ZBTB17: variants seen among roughly 807,000 people sequenced by gnomAD.
ZBTB17 encodes zinc finger and BTB domain containing 17.
In ZBTB17, 24 loss-of-function variants were observed where a neutral mutation model predicts 85.1. The ratio of observed to expected loss-of-function variants is 0.28; its 90% CI spans 0.20 to 0.40. The LOEUF is 0.40. Ranked by LOEUF, ZBTB17 falls within the 10% of genes least tolerant of loss-of-function variation. The probability of loss-of-function intolerance (pLI) is 1.00; values close to 1 mark genes in which losing one functional copy is unlikely to be tolerated. For synonymous variants in ZBTB17, 464 were observed against 460.2 expected (o/e 1.01, Z -0.11); for missense variants, 743 against 1,105.1 (o/e 0.67, Z 4.65).
chr1:15,963,210 A>G (rs1343801767), intron 2 of ZBTB17, among the ~76,000 whole-genome samples: 2 of 152,224 alleles, frequency 1.3e-5, no homozygotes, highest in Non-Finnish European at 2.9e-5. Context: ...CAAAATGAAA[A>G]CTATGAAACA....
At chr1:15,955,160 CA>C (rs1293944846) in intron 2 of ZBTB17, among the ~76,000 whole-genome samples, 2 of 151,984 alleles carry the variant, frequency 1.3e-5, no homozygotes, top group Admixed American at 1.3e-4. Context: ...TCTCCAAAAA[CA>C]AACAAACAAA....
chr1:15,962,182 C>T (rs1481241569), intron 2 of ZBTB17, among the ~76,000 whole-genome samples: 1 of 151,772 alleles, frequency 6.6e-6, no homozygotes, highest in African/African-American at 2.4e-5. Context: ...TGCTCCAGCT[C>T]GGGTGACAGT....
At chr1:15,946,849 C>T (rs983102731) in intron 4 of ZBTB17, 86 bp downstream of exon 4, 1 of 1,474,762 alleles carries the variant, frequency 6.8e-7, no homozygotes, top group Admixed American at 2.1e-5. Context: ...GATGAGGAAA[C>T]TGAGACCCAG....
At position 15,948,298 on chromosome 1, in the gene ZBTB17, G is replaced by A. The variant is rs575679819; in HGVS notation, c.198C>T (p.Asn66=). The A allele has an allele frequency of 3.0e-5, 49 of 1,613,844 alleles. No individual in the cohort carries two copies. Among genetic ancestry groups the A allele is most frequent in the African/African-American group, 2.3e-4 (17 of 75,074 alleles). ...CCAGCCCTGACGGGGTACCTGCCGC[G>A]TTACTGATGTCCAGGTGCACCACGT... ...QKDVVHLDIS[N]AAGLGQVLEF... The change falls in exon 3 of 16, where the codon AAC becomes AAT. Residue 66 remains asparagine (N), a synonymous_variant. Coordinates refer to ENST00000375743, the MANE Select transcript of ZBTB17 (RefSeq NM_003443.3).
rs1450993424 is a variant in ZBTB17 at position 15,952,381 on chromosome 1, C to G, written c.-2-3884G>C. ...ACAAAAAAGTGAGGCACTGAGGACACCTGCAGTGTGAGTCCGGACAGGCAC... is the reference window on the plus strand; with the variant it reads ...ACAAAAAAGTGAGGCACTGAGGACAGCTGCAGTGTGAGTCCGGACAGGCAC... On this transcript the variant is annotated intron_variant, in intron 2 of 15. Transcript: ENST00000375743. The surrounding 1 kb of genome is among the most constrained non-coding windows in gnomAD (Gnocchi z 4.3). Among the ~76,000 whole-genome samples, 1 of 152,226 alleles carries G rather than the reference C, an allele frequency of 6.6e-6. No homozygotes were observed. Among genetic ancestry groups the G allele is most frequent in the Non-Finnish European group, 1.5e-5 (1 of 68,046 alleles).
intron 2 of ZBTB17, among the ~76,000 whole-genome samples, chr1:15,959,764 C>T (rs975400621): frequency 1.3e-5 from 2 of 152,032 alleles, no homozygotes; most frequent in African/African-American, 2.4e-5. Context: ...CAGAGCAAAA[C>T]TCTGTCAAAA....
intron 2 of ZBTB17, among the ~76,000 whole-genome samples, chr1:15,961,401 G>A (rs952340960): frequency 2.0e-5 from 3 of 152,184 alleles, no homozygotes; most frequent in East Asian, 3.8e-4. Context: ...ATTAAGCTAA[G>A]ATTCTGTAAA....
Position 15,953,290 on chromosome 1 carries a change from G to C in ZBTB17, c.-2-4793C>G, listed in dbSNP as rs990933233. ...GGCCTTCTAAAGTGCTGGGATTACA[G>C]GCGTGTGCTACTGCACCCAGCCATT... On this transcript the variant is annotated intron_variant, in intron 2 of 15. Transcript: ENST00000375743. This position sits in a 1 kb window ranked among gnomAD's most constrained non-coding sequence, Gnocchi z 5.1. 3.3e-5 allele frequency among the ~76,000 whole-genome samples: 5 copies of C among 152,044 alleles called. No individual in the cohort carries two copies. The highest frequency in any genetic ancestry group is 7.2e-5 in the African/African-American group (3 of 41,380).
chr1:15,957,401 G>A (rs963471982), intron 2 of ZBTB17, among the ~76,000 whole-genome samples: 7 of 151,768 alleles, frequency 4.6e-5, no homozygotes, highest in African/African-American at 1.2e-4. Context: ...CACAGGGGCC[G>A]GTGTGTGTGG....
chr1:15,971,329 G>T (rs1038883094), intron 2 of ZBTB17, among the ~76,000 whole-genome samples: 6 of 144,858 alleles, frequency 4.1e-5, no homozygotes, highest in African/African-American at 5.2e-5. Context: ...CTGTATGTGT[G>T]TATGTATATA....
intron 2 of ZBTB17, chr1:15,970,233 T>C: frequency 2.2e-6 from 1 of 446,682 alleles, no homozygotes; most frequent in Non-Finnish European, 4.1e-6. Flanking sequence ...CTCTCACTTA[T>C]TTTTGAAGGG....
At chr1:15,959,800 A>T (rs68185708) in intron 2 of ZBTB17, among the ~76,000 whole-genome samples, 3 of 152,132 alleles carry the variant, frequency 2.0e-5, no homozygotes, top group African/African-American at 7.2e-5. Context: ...GACAGAAAAG[A>T]AAGAAAGAAA....
In ZBTB17 at chr1:15,975,996, G is replaced by A. The variant is rs770847341; in HGVS notation, c.-103C>T. The A allele has an allele frequency of 1.6e-5, 11 of 699,568 alleles. No individual in the cohort carries two copies. Among genetic ancestry groups the A allele is most frequent in the South Asian group, 1.5e-4 (10 of 67,090 alleles). The allele number at this position is 699,568 out of a possible 1,614,324, so 43.3% of individuals were successfully genotyped here. ...GTTGACACTCACCTGCCATGTCCCG[G>A]ACCCCACCGCAGAGGGAGGTGCATC... On this transcript the variant is annotated 5_prime_UTR_variant, in exon 1 of 16. Transcript: ENST00000375743.
intron 6 of ZBTB17, 22 bp from the exon 7 acceptor site, chr1:15,945,224 T>A: frequency 1.3e-6 from 2 of 1,548,922 alleles, no homozygotes; most frequent in African/African-American, 2.7e-5. Flanking sequence ...AGGGCAAGCA[T>A]GGAGGCGGCA....
intron 2 of ZBTB17, among the ~76,000 whole-genome samples, chr1:15,959,455 A>C (rs2072168654): frequency 6.7e-6 from 1 of 148,970 alleles, no homozygotes; most frequent in South Asian, 2.2e-4. Context: ...AAAACTGAGA[A>C]AGCTAAAGAA....
intron 2 of ZBTB17, among the ~76,000 whole-genome samples, chr1:15,958,211 C>T (rs2148791963): frequency 6.6e-6 from 1 of 152,264 alleles, no homozygotes; most frequent in East Asian, 1.9e-4. Context: ...GATATTACTT[C>T]TCTAACACAG....
chr1:15,969,281 A>G (rs998246055), intron 2 of ZBTB17, among the ~76,000 whole-genome samples: 2 of 152,188 alleles, frequency 1.3e-5, no homozygotes, highest in Non-Finnish European at 1.5e-5. Context: ...CTGACTCTAC[A>G]TGATGGTGAG....
intron 2 of ZBTB17, among the ~76,000 whole-genome samples, chr1:15,963,846 C>A (rs1160623152): frequency 1.3e-5 from 2 of 152,082 alleles, no homozygotes; most frequent in Admixed American, 1.3e-4. Flanking sequence ...TGGCTCACAC[C>A]TCTAATCCTA....
At chr1:15,959,697 A>G (rs1269767705) in intron 2 of ZBTB17, among the ~76,000 whole-genome samples, 1 of 152,128 alleles carries the variant, frequency 6.6e-6, no homozygotes, top group African/African-American at 2.4e-5. Context: ...ACTTAAGCCC[A>G]GGAGTTTTGA....
Sources: allele counts gnomAD v4.1 joint callset (sites outside exome capture counted in the v4.1 genomes callset), GRCh38; gene constraint gnomAD v4.1.1; non-coding constraint Gnocchi (gnomAD v3.1); transcripts MANE v1.5; gene names NCBI Gene and HGNC (gene_info 2026-07-23, HGNC 2026-07-21).